ADD1: variants seen among roughly 807,000 people sequenced by gnomAD.
The protein encoded by ADD1 is alpha-adducin.
Under a neutral mutation model 80.5 loss-of-function variants are expected in ADD1, and 24 were observed. The ratio of observed to expected loss-of-function variants is 0.30; its 90% CI spans 0.22 to 0.42. ADD1 has a LOEUF of 0.42. Among genes scored for constraint, ADD1 ranks in the 10% least tolerant of loss-of-function variants. The pLI, the probability that ADD1 is intolerant of heterozygous loss-of-function variation, is 1.00. For missense variants in ADD1, 948 were observed against 1,019.0 expected, an observed-to-expected ratio of 0.93 and a Z score of 0.95; for synonymous variants, 373 against 393.8, an observed-to-expected ratio of 0.95 and a Z score of 0.63.
chr4:2,906,311 C>T (rs563463503), intron 10 of ADD1, among the ~76,000 whole-genome samples: 5 of 151,992 alleles, frequency 3.3e-5, no homozygotes, highest in Admixed American at 6.6e-5. Context: ...TCTTCTTTCC[C>T]CCCTTCTTCC....
At chr4:2,913,605 T>G (rs1411860813) in intron 13 of ADD1, among the ~76,000 whole-genome samples, 1 of 152,034 alleles carries the variant, frequency 6.6e-6, no homozygotes, top group Non-Finnish European at 1.5e-5. Flanking sequence ...CTCGGAGCTC[T>G]GTGTCACTGG....
chr4:2,904,990 G>C lies in ADD1; in HGVS notation c.1388G>C (p.Gly463Ala). 2 of 1,614,200 alleles carry C rather than the reference G, an allele frequency of 1.2e-6. No individual in the cohort carries two copies. Among genetic ancestry groups the C allele is most frequent in the Non-Finnish European group, 1.7e-6 (2 of 1,180,042 alleles). ...GAAGCTTCCGAGGAAGGGCAGAATGGAAGCAGTCCCAAGTCGAAGACTAAG... is the reference window on the plus strand; with the variant it reads ...GAAGCTTCCGAGGAAGGGCAGAATGCAAGCAGTCCCAAGTCGAAGACTAAG... ...GDEASEEGQN[G>A]SSPKSKTKVW... The change falls in exon 10 of 16, where the codon GGA (glycine) becomes GCA (alanine). Residue 463 changes from glycine (G) to alanine (A), a missense_variant. Transcript: ENST00000683351.
At chr4:2,865,242 T>G (rs903664013) in intron 1 of ADD1, among the ~76,000 whole-genome samples, 2 of 152,184 alleles carry the variant, frequency 1.3e-5, no homozygotes, top group African/African-American at 4.8e-5. Flanking sequence ...TTTTGTGTAC[T>G]CATAATTACT....
chr4:2,904,927 G>T lies in ADD1; in HGVS notation c.1325G>T (p.Arg442Leu). The T allele has an allele frequency of 6.2e-7, 1 of 1,614,148 alleles. No homozygotes were observed. The highest frequency in any genetic ancestry group is 8.5e-7 in the Non-Finnish European group (1 of 1,180,024). ...PLRHSFQKQQ[R>L]EKTRWLNSGR... ...AGACACAGTTTTCAGAAGCAGCAGC[G>T]GGAGAAGACAAGATGGCTGAACTCT... Residue 442 changes from arginine to leucine, a missense_variant, in exon 10 of 16, where the codon CGG (arginine) becomes CTG (leucine). Physicochemically the swap from Arg to Leu is moderately radical, Grantham distance 102 (BLOSUM62 -2). Coordinates refer to ENST00000683351, the MANE Select transcript of ADD1 (RefSeq NM_001354761.2).
rs761899853 is a variant in ADD1 at position 2,926,708 on chromosome 4, T to C, written c.2047+596T>C. 6.2e-7 allele frequency: 1 copy of C among 1,607,718 alleles called. No homozygotes were observed. Among genetic ancestry groups the C allele is most frequent in the Admixed American group, 1.7e-5 (1 of 59,802 alleles). On this transcript the variant is annotated intron_variant, in intron 15 of 15. Coordinates refer to ENST00000683351, the MANE Select transcript of ADD1 (RefSeq NM_001354761.2). This position sits in a 1 kb window ranked among gnomAD's most constrained non-coding sequence, Gnocchi z 5.0. Reference sequence around the variant, plus strand: ...CCGTGCTGCCTCCGCTCTCCACCGGTGCCCTGCGCTTTGCCTCATTCTCCT... The same window carrying C: ...CCGTGCTGCCTCCGCTCTCCACCGGCGCCCTGCGCTTTGCCTCATTCTCCT...
chr4:2,852,412 C>CG (rs1560139720), intron 1 of ADD1, among the ~76,000 whole-genome samples: 1 of 147,074 alleles, frequency 6.8e-6, no homozygotes, highest in East Asian at 2.0e-4. Flanking sequence ...CTGCAACCTC[C>CG]GCCTCCCGGG....
At chr4:2,862,096 A>G (rs1728905528) in intron 1 of ADD1, among the ~76,000 whole-genome samples, 1 of 152,220 alleles carries the variant, frequency 6.6e-6, no homozygotes, top group Admixed American at 6.5e-5. Flanking sequence ...GCAGCCCAGC[A>G]GGTAGAAGTT....
rs1440529010 is a variant in ADD1, at chr4:2,894,880, T to C, written c.741+149T>C. 74 of 901,150 alleles carry C rather than the reference T, an allele frequency of 8.2e-5. No homozygotes were observed. In the East Asian group the frequency reaches 2.4e-3, roughly 29 times the overall value. The allele number at this position is 901,150 out of a possible 1,614,324, so 55.8% of individuals were successfully genotyped here. On this transcript the variant is annotated intron_variant, in intron 6 of 15. Coordinates refer to ENST00000683351, the MANE Select transcript of ADD1 (RefSeq NM_001354761.2). ...AAAGGTGTACCACTAAGTTTGACTT[T>C]CTTAAAATAATTTTTTTTCCTTTTA...
intron 4 of ADD1, among the ~76,000 whole-genome samples, chr4:2,885,846 G>A (rs1334308059): frequency 9.9e-5 from 15 of 152,056 alleles, no homozygotes; most frequent in South Asian, 2.1e-4. Flanking sequence ...TCCTGACCTT[G>A]TGATCCGCCC....
intron 14 of ADD1, among the ~76,000 whole-genome samples, chr4:2,918,157 A>T (rs1409205651): frequency 6.6e-6 from 1 of 152,226 alleles, no homozygotes; most frequent in Non-Finnish European, 1.5e-5. Flanking sequence ...ATCCATGAGC[A>T]TGGAATGTTT....
At chr4:2,874,632 G>A (rs1215701096) in intron 1 of ADD1, among the ~76,000 whole-genome samples, 1 of 149,650 alleles carries the variant, frequency 6.7e-6, no homozygotes, top group African/African-American at 2.5e-5. Flanking sequence ...AAGAAATACT[G>A]CCACTTTAAG....
intron 2 of ADD1, among the ~76,000 whole-genome samples, chr4:2,877,024 A>T (rs922254409): frequency 9.3e-5 from 14 of 150,580 alleles, no homozygotes; most frequent in Non-Finnish European, 1.9e-4. Context: ...AAAAAACCCT[A>T]GCTCAGTCTC....
intron 6 of ADD1, among the ~76,000 whole-genome samples, chr4:2,896,323 C>T (rs1246251838): frequency 1.3e-5 from 2 of 152,026 alleles, no homozygotes; most frequent in African/African-American, 4.8e-5. Context: ...GTTCTCTTGA[C>T]TCAGCCTCCC....
chr4:2,874,347 C>T (rs1482495206), intron 1 of ADD1, among the ~76,000 whole-genome samples: 1 of 152,182 alleles, frequency 6.6e-6, no homozygotes, highest in African/African-American at 2.4e-5. Context: ...TGGCTAACGC[C>T]TATAATCCCA....
chr4:2,899,535 C>A (rs867264519), intron 9 of ADD1, 100 bp downstream of exon 9: 1 of 1,285,160 alleles, frequency 7.8e-7, no homozygotes, highest in Non-Finnish European at 1.1e-6. Flanking sequence ...TATGCAGTAT[C>A]TGAATACCTT....
chr4:2,894,049 G>A lies in ADD1; in HGVS notation c.547G>A (p.Val183Ile). ...VNSEQEHFLI[V>I]PFGLLYSEVT... Reference sequence around the variant, plus strand: ...CTCCGAGCAGGAACACTTCCTCATTGTCCCTTTTGGGCTTCTTTACAGTGA... The same window carrying A: ...CTCCGAGCAGGAACACTTCCTCATTATCCCTTTTGGGCTTCTTTACAGTGA... Residue 183 changes from valine to isoleucine, a missense_variant, in exon 5 of 16, where the codon GTC (valine) becomes ATC (isoleucine). By Grantham distance (29) the Val-to-Ile change is conservative (BLOSUM62 3). Transcript: ENST00000683351. 1 of 1,614,142 alleles carries A rather than the reference G, an allele frequency of 6.2e-7. No homozygotes were observed. The highest frequency in any genetic ancestry group is 2.2e-5 in the East Asian group (1 of 44,886).
In ADD1 at chr4:2,907,741, AG is replaced by A; in HGVS notation, c.1507-1del. ...ACTTTTCAACTGTTCTTGATATTACAGTGGACTAAAGAGGATGGACATAGAA... is the reference window on the plus strand; with the variant it reads ...ACTTTTCAACTGTTCTTGATATTACATGGACTAAAGAGGATGGACATAGAA... On this transcript the variant is annotated splice_acceptor_variant, in intron 10 of 15. Coordinates refer to ENST00000683351, the MANE Select transcript of ADD1 (RefSeq NM_001354761.2). LOFTEE classifies it high-confidence loss of function. The A allele has an allele frequency of 6.2e-7, 1 of 1,612,900 alleles. No individual in the cohort carries two copies. The highest frequency in any genetic ancestry group is 8.5e-7 in the Non-Finnish European group (1 of 1,178,938).
At chr4:2,898,032 C>T in intron 6 of ADD1, 152 bp from the exon 7 acceptor site, 2 of 1,049,100 alleles carry the variant, frequency 1.9e-6, no homozygotes, top group South Asian at 1.7e-5. Flanking sequence ...CACTGGAAAC[C>T]AAGTTTGTCT....
intron 13 of ADD1, among the ~76,000 whole-genome samples, chr4:2,911,431 C>CATATATATATATATATATAT (rs1553848842): frequency 9.2e-5 from 13 of 140,876 alleles, no homozygotes; most frequent in African/African-American, 3.0e-4. Flanking sequence ...ACCTGAAATA[C>CATATATATATATATATATAT]ATATATATAT....
Sources: gnomAD v4.1 joint callset for allele counts (sites outside exome capture counted in the v4.1 genomes callset) on GRCh38, gnomAD v4.1.1 for gene constraint, Gnocchi (gnomAD v3.1) non-coding constraint, MANE v1.5 for transcripts, NCBI Gene and HGNC (gene_info 2026-07-23, HGNC 2026-07-21) for gene names.